Variants in CWF19L2 observed in about 807,000 individuals in gnomAD.
CWF19L2 encodes the protein CWF19-like protein 2.
In CWF19L2, 98 loss-of-function variants were observed where a neutral mutation model predicts 111.7. That is an observed-to-expected ratio of 0.88 (90% CI 0.75 to 1.04). The LOEUF (loss-of-function observed/expected upper bound fraction) is 1.04, where lower values mean the gene tolerates loss of function less well. CWF19L2 is among the 50% of genes least tolerant of loss of function. The pLI, the probability that CWF19L2 is intolerant of heterozygous loss-of-function variation, is 0.00. For synonymous variants in CWF19L2, 351 were observed against 342.9 expected (o/e 1.02, Z -0.26); for missense variants, 1,101 against 1,051.4 (o/e 1.05, Z -0.65).
chr11:107,327,604 T>TA (rs1859780080), intron 17 of CWF19L2, among the ~76,000 whole-genome samples: 1 of 152,182 alleles, frequency 6.6e-6, no homozygotes, highest in South Asian at 2.1e-4. Flanking sequence ...CACTTTCATT[T>TA]AAAAAATCAC....
intron 5 of CWF19L2, among the ~76,000 whole-genome samples, chr11:107,440,826 G>A (rs1861610674): frequency 7.0e-6 from 1 of 141,858 alleles, no homozygotes; most frequent in Non-Finnish European, 1.7e-5. Context: ...CTCTCTGGTA[G>A]CAATCAGATA....
chr11:107,403,313 T>C (rs945674505), intron 10 of CWF19L2: 1 of 469,914 alleles, frequency 2.1e-6, no homozygotes, highest in African/African-American at 2.0e-5. Flanking sequence ...TAAATTTTCA[T>C]TTACCCTAAC....
intron 6 of CWF19L2, among the ~76,000 whole-genome samples, chr11:107,438,838 A>G (rs1208171888): frequency 6.6e-6 from 1 of 152,174 alleles, no homozygotes; most frequent in Admixed American, 6.5e-5. Context: ...GCTTAAGCCC[A>G]GGAGTTCAAG....
At chr11:107,445,091 GAACTC>G (rs1861682645) in intron 3 of CWF19L2, among the ~76,000 whole-genome samples, 1 of 152,104 alleles carries the variant, frequency 6.6e-6, no homozygotes, top group Non-Finnish European at 1.5e-5. Context: ...TTAAAAACTA[GAACTC>G]AGGGTAGGGG....
intron 5 of CWF19L2, among the ~76,000 whole-genome samples, chr11:107,439,555 G>T (rs1861590946): frequency 6.6e-6 from 1 of 152,102 alleles, no homozygotes; most frequent in South Asian, 2.1e-4. Context: ...TCACAATAAA[G>T]GATCAAAGAC....
intron 12 of CWF19L2, among the ~76,000 whole-genome samples, chr11:107,389,667 A>C (rs1860819771): frequency 6.6e-6 from 1 of 152,284 alleles, no homozygotes; most frequent in East Asian, 1.9e-4. Context: ...AATCCATAAT[A>C]TATTAGTGCA....
chr11:107,414,807 C>T (rs1861203172), intron 10 of CWF19L2, among the ~76,000 whole-genome samples: 1 of 152,074 alleles, frequency 6.6e-6, no homozygotes, highest in Non-Finnish European at 1.5e-5. Context: ...GTTTTTCTTT[C>T]AAAATATATA....
At chr11:107,430,472 T>C (rs1450323701) in intron 7 of CWF19L2, among the ~76,000 whole-genome samples, 2 of 152,038 alleles carry the variant, frequency 1.3e-5, no homozygotes, top group African/African-American at 2.4e-5. Context: ...TTTTCAAAAA[T>C]GCAGGGAATC....
chr11:107,407,025 T>C (rs1371208156), intron 10 of CWF19L2, among the ~76,000 whole-genome samples: 2 of 152,082 alleles, frequency 1.3e-5, no homozygotes, highest in Non-Finnish European at 2.9e-5. Flanking sequence ...TATGATTCAC[T>C]GTGATATAGC....
At chr11:107,438,993 G>C in intron 6 of CWF19L2, 97 bp downstream of exon 6, 1 of 583,590 alleles carries the variant, frequency 1.7e-6, no homozygotes, top group Non-Finnish European at 2.8e-6. Flanking sequence ...AGCCATGATC[G>C]CACCACTGCA....
chr11:107,403,719 C>T, intron 10 of CWF19L2: 1 of 840,904 alleles, frequency 1.2e-6, no homozygotes, highest in East Asian at 2.4e-5. Flanking sequence ...TCTGCCGCCT[C>T]CTTCTCCCTT....
chr11:107,404,443 G>A (rs1861049864), intron 10 of CWF19L2: 1 of 774,630 alleles, frequency 1.3e-6, no homozygotes. Context: ...CCATGAACTG[G>A]CTGTTGGCAC....
rs555845542 is a variant in CWF19L2 at position 107,361,397 on chromosome 11, G to A, written c.1873-7661C>T. 2.6e-5 allele frequency among the ~76,000 whole-genome samples: 4 copies of A among 152,252 alleles called. No individual in the cohort carries two copies. The East Asian group carries it at 5.8e-4, about 22-fold the overall frequency. On this transcript the variant is annotated intron_variant, in intron 12 of 17. Transcript: ENST00000282251. ...TTTGAAGTCAGGTAATCAGATGCCT[G>A]CAGCTTTGCAGCTTTGGGTTTTTTT...
chr11:107,454,692 G>C (rs1861829162), intron 2 of CWF19L2, 120 bp from the exon 3 acceptor site: 3 of 573,818 alleles, frequency 5.2e-6, no homozygotes, highest in Non-Finnish European at 7.7e-6. Context: ...GATGAAATAA[G>C]ACCAAGAATA....
rs766157707 is a variant in CWF19L2 at position 107,455,743 on chromosome 11, T to C, written c.139A>G (p.Lys47Glu). ...TCACCCCGAAGTCGCTTAAGTTCTT[T>C]ACGCCTTTCTTCTTTTTCAAAATTG... ...KANFEKEERR[K>E]ELKRLRGEDT... The change falls in exon 2 of 18, where the codon AAA (lysine) becomes GAA (glutamate). Residue 47 changes from lysine (K) to glutamate (E), a missense_variant. By Grantham distance (56) the Lys-to-Glu change is moderately conservative (BLOSUM62 1). Coordinates refer to ENST00000282251, the MANE Select transcript of CWF19L2 (RefSeq NM_152434.3). The C allele has an allele frequency of 7.7e-6, 12 of 1,551,182 alleles. No individual in the cohort carries two copies. The highest frequency in any genetic ancestry group is 1.2e-5 in the South Asian group (1 of 83,974).
Position 107,372,059 on chromosome 11 carries a change from G to A in CWF19L2, c.1872+18015C>T, listed in dbSNP as rs546816863. ...GAAAAGGGGGTTTCTGGAATTCCAT[G>A]CACTTGACTTCAAGTCCCAAATATG... On this transcript the variant is annotated intron_variant, in intron 12 of 17. Transcript: ENST00000282251. Among the ~76,000 whole-genome samples the A allele has an allele frequency of 1.0e-3, 136 of 135,770 alleles. 18 individuals carry two copies. The highest frequency in any genetic ancestry group is 2.6e-3 in the Admixed American group (35 of 13,722). 89.1% of individuals were successfully genotyped at this position (135,770 alleles called of 152,430 possible). A position where few individuals can be genotyped will look rare whatever the true frequency, so the allele number is the denominator to read the frequency against.
At chr11:107,350,912 T>C (rs1166793354) in intron 13 of CWF19L2, among the ~76,000 whole-genome samples, 2 of 152,066 alleles carry the variant, frequency 1.3e-5, no homozygotes, top group Non-Finnish European at 2.9e-5. Context: ...GCATACCAAG[T>C]GTGCTCTCCA....
chr11:107,418,770 T>C (rs142573540), intron 8 of CWF19L2, among the ~76,000 whole-genome samples: 40 of 152,264 alleles, frequency 2.6e-4, no homozygotes, highest in African/African-American at 8.4e-4. Context: ...ACATAACATA[T>C]AGTCAAATAA....
chr11:107,444,667 G>C (rs1469621066), intron 3 of CWF19L2, among the ~76,000 whole-genome samples: 1 of 152,078 alleles, frequency 6.6e-6, no homozygotes, highest in African/African-American at 2.4e-5. Context: ...ACTGCAGTTG[G>C]ATGGCATGCT....
Sources: allele counts gnomAD v4.1 joint callset (sites outside exome capture counted in the v4.1 genomes callset), GRCh38; gene constraint gnomAD v4.1.1; transcripts MANE v1.5; gene names NCBI Gene and HGNC (gene_info 2026-07-23, HGNC 2026-07-21).